Variants in ASTN2 observed in about 807,000 individuals in gnomAD.
The protein encoded by ASTN2 is astrotactin 2.
A neutral mutation model predicts 139.8 loss-of-function variants in ASTN2; 54 were observed. That is an observed-to-expected ratio of 0.39 (90% CI 0.31 to 0.48). The LOEUF (loss-of-function observed/expected upper bound fraction) is 0.48, where lower values mean the gene tolerates loss of function less well. Among genes scored for constraint, ASTN2 ranks in the 20% least tolerant of loss-of-function variants. The pLI is 0.95. For synonymous variants in ASTN2, 756 were observed against 719.5 expected, an observed-to-expected ratio of 1.05 and a Z score of -0.81; for missense variants, 1,565 against 1,725.1, an observed-to-expected ratio of 0.91 and a Z score of 1.64.
chr9:116,952,639 G>C (rs1835595835), intron 10 of ASTN2, among the ~76,000 whole-genome samples: 1 of 152,206 alleles, frequency 6.6e-6, no homozygotes, highest in Admixed American at 6.5e-5. Context: ...TTGCAGAAAT[G>C]AATAAGTTGT....
At chr9:117,286,350 C>T (rs1834449737) in intron 2 of ASTN2, among the ~76,000 whole-genome samples, 1 of 79,466 alleles carries the variant, frequency 1.3e-5, no homozygotes, top group Admixed American at 2.1e-4. Context: ...ACTCTTCCCA[C>T]TTTCTTTTTT....
chr9:116,888,880 G>A (rs12001971), intron 10 of ASTN2, among the ~76,000 whole-genome samples: 3,563 of 152,178 alleles, frequency 0.023, 135 homozygotes, highest in African/African-American at 0.081. Context: ...AGGTCCCAGT[G>A]TTGTTCCTCT....
intron 12 of ASTN2, among the ~76,000 whole-genome samples, chr9:116,815,880 C>G (rs1434356097): frequency 6.8e-6 from 1 of 146,414 alleles, no homozygotes; most frequent in Non-Finnish European, 1.5e-5. Flanking sequence ...AGAAATAACT[C>G]TCTTAGCAAA....
chr9:117,030,661 A>C (rs1360482706), intron 6 of ASTN2, among the ~76,000 whole-genome samples: 1 of 152,040 alleles, frequency 6.6e-6, no homozygotes, highest in African/African-American at 2.4e-5. Flanking sequence ...TTGTCATTTT[A>C]ACCTGGGGAT....
At chr9:116,518,750 G>C (rs918226828) in intron 19 of ASTN2, among the ~76,000 whole-genome samples, 4 of 152,028 alleles carry the variant, frequency 2.6e-5, no homozygotes, top group Non-Finnish European at 5.9e-5. Context: ...TTCACCAACT[G>C]AGTTTCTGCT....
At chr9:117,119,078 C>A (rs999182308) in intron 4 of ASTN2, among the ~76,000 whole-genome samples, 1 of 152,164 alleles carries the variant, frequency 6.6e-6, no homozygotes, top group Admixed American at 6.5e-5. Flanking sequence ...AAGTGCCCAG[C>A]ATTGGGTAGG....
chr9:117,093,563 T>C (rs921858059), intron 5 of ASTN2, among the ~76,000 whole-genome samples: 3 of 152,124 alleles, frequency 2.0e-5, no homozygotes, highest in African/African-American at 7.2e-5. Flanking sequence ...CTCACCTCTG[T>C]CCTGTGCCTT....
At chr9:116,555,213 C>T (rs543114693) in intron 19 of ASTN2, among the ~76,000 whole-genome samples, 1 of 152,186 alleles carries the variant, frequency 6.6e-6, no homozygotes, top group African/African-American at 2.4e-5. Context: ...AAACAGCCCA[C>T]ACTGCCCAGA....
chr9:116,456,681 A>C (rs1295402620), intron 20 of ASTN2, among the ~76,000 whole-genome samples: 1 of 152,164 alleles, frequency 6.6e-6, no homozygotes, highest in African/African-American at 2.4e-5. Flanking sequence ...AAAATGATCA[A>C]ATCTTGTGAG....
intron 10 of ASTN2, among the ~76,000 whole-genome samples, chr9:116,933,420 A>G (rs1251958902): frequency 6.6e-6 from 1 of 152,078 alleles, no homozygotes; most frequent in Non-Finnish European, 1.5e-5. Flanking sequence ...GAAGGTGAGT[A>G]TGAGGCAGTC....
chr9:116,754,334 G>A (rs950241348), intron 13 of ASTN2, among the ~76,000 whole-genome samples: 1 of 152,154 alleles, frequency 6.6e-6, no homozygotes, highest in Admixed American at 6.5e-5. Context: ...CCAGTAATGG[G>A]ATTGCTGGGT....
intron 1 of ASTN2, among the ~76,000 whole-genome samples, chr9:117,306,818 T>G (rs1209947536): frequency 6.6e-6 from 1 of 152,166 alleles, no homozygotes; most frequent in East Asian, 1.9e-4. Flanking sequence ...TAATGACCAC[T>G]GACTCAGGGC....
At chr9:116,782,398 T>C (rs1258368021) in intron 13 of ASTN2, among the ~76,000 whole-genome samples, 1 of 152,198 alleles carries the variant, frequency 6.6e-6, no homozygotes, top group Non-Finnish European at 1.5e-5. Context: ...CTCTGTCTTT[T>C]CAAGTGAAGC....
At chr9:117,063,685 G>C (rs565866331) in intron 5 of ASTN2, among the ~76,000 whole-genome samples, 9 of 152,172 alleles carry the variant, frequency 5.9e-5, no homozygotes, top group Non-Finnish European at 1.3e-4. Context: ...TCCACTAGAA[G>C]GTAAATCAAC....
intron 11 of ASTN2, among the ~76,000 whole-genome samples, chr9:116,833,350 A>G (rs1831875609): frequency 6.6e-6 from 1 of 150,486 alleles, no homozygotes; most frequent in Non-Finnish European, 1.5e-5. Context: ...CAAATAATCA[A>G]TTTTTTGTTT....
rs540526139 is a variant in ASTN2 at position 116,659,709 on chromosome 9, T to A, written c.2807-7916A>T. On this transcript the variant is annotated intron_variant, in intron 16 of 22. Transcript: ENST00000313400. ...ATGCCCCCAATCTCCTCCACCCATT[T>A]CCATGGGCTAATAGGGTCTCCTGGG... Among the ~76,000 whole-genome samples the A allele has an allele frequency of 2.0e-5, 3 of 152,224 alleles. No individual in the cohort carries two copies. In the East Asian group the frequency reaches 5.8e-4, roughly 29 times the overall value.
At chr9:117,379,568 TA>T (rs1830212854) in intron 1 of ASTN2, among the ~76,000 whole-genome samples, 1 of 152,174 alleles carries the variant, frequency 6.6e-6, no homozygotes, top group Non-Finnish European at 1.5e-5. Context: ...GGAGGAATAA[TA>T]AAATGTAATT....
At chr9:116,429,823 G>A (rs957059323) in intron 22 of ASTN2, among the ~76,000 whole-genome samples, 13 of 152,146 alleles carry the variant, frequency 8.5e-5, no homozygotes, top group Non-Finnish European at 2.9e-5. Flanking sequence ...GCTGTTCTGG[G>A]AATATAAAAG....
intron 10 of ASTN2, among the ~76,000 whole-genome samples, chr9:116,892,571 T>C (rs1445438585): frequency 6.6e-6 from 1 of 152,018 alleles, no homozygotes; most frequent in Non-Finnish European, 1.5e-5. Flanking sequence ...CCCGGTCAGA[T>C]TGCACTGACT....
Sources: gnomAD v4.1 joint callset for allele counts (sites outside exome capture counted in the v4.1 genomes callset) on GRCh38, gnomAD v4.1.1 for gene constraint, MANE v1.5 for transcripts, NCBI Gene and HGNC (gene_info 2026-07-23, HGNC 2026-07-21) for gene names.